The following GPHN variants were observed in gnomAD, a reference collection of about 807,000 sequenced individuals.
The protein encoded by GPHN is gephyrin.
A neutral mutation model predicts 95.5 loss-of-function variants in GPHN; 17 were observed. That is an observed-to-expected ratio of 0.18 (90% CI 0.12 to 0.27). The LOEUF is 0.27. Ranked by LOEUF, GPHN falls within the 10% of genes least tolerant of loss-of-function variation. The pLI is 1.00. For synonymous variants in GPHN, 320 were observed against 322.5 expected (o/e 0.99, Z 0.08); for missense variants, 660 against 978.1 (o/e 0.67, Z 4.34).
chr14:67,575,303 C>A, the GPHN span: 1 of 744,802 alleles, frequency 1.3e-6, no homozygotes, highest in East Asian at 2.7e-5. Flanking sequence ...TAGGTCAAAT[C>A]TGTCTCCCTG....
the GPHN span, among the ~76,000 whole-genome samples, chr14:67,336,034 A>G: frequency 6.6e-6 from 1 of 152,192 alleles, no homozygotes; most frequent in African/African-American, 2.4e-5. Context: ...ACCAACAACT[A>G]AGTGTATTAA....
chr14:66,670,694 A>G (rs1412084120), intron 1 of GPHN, among the ~76,000 whole-genome samples: 2 of 152,192 alleles, frequency 1.3e-5, no homozygotes, highest in African/African-American at 4.8e-5. Context: ...TGGGAAGCTG[A>G]GGGAGAAGGA....
At chr14:67,315,515 A>T in the GPHN span, among the ~76,000 whole-genome samples, 1 of 152,026 alleles carries the variant, frequency 6.6e-6, no homozygotes, top group Non-Finnish European at 1.5e-5. Flanking sequence ...TGACCTCGTG[A>T]TCTGCCCACC....
chr14:66,792,530 A>T (rs548345602), intron 3 of GPHN, among the ~76,000 whole-genome samples: 41 of 152,174 alleles, frequency 2.7e-4, no homozygotes, highest in Non-Finnish European at 4.3e-4. Context: ...TACTATTTTT[A>T]AAAAATGAAG....
the GPHN span, chr14:67,203,086 G>A: frequency 6.2e-7 from 1 of 1,609,902 alleles, no homozygotes; most frequent in African/African-American, 1.3e-5. Flanking sequence ...CCTGTTTTCT[G>A]CACTCAGGTC....
At chr14:66,806,434 T>A (rs1039268717) in intron 3 of GPHN, among the ~76,000 whole-genome samples, 2 of 152,218 alleles carry the variant, frequency 1.3e-5, no homozygotes, top group East Asian at 1.9e-4. Context: ...CAGCTTGAAT[T>A]TCTCCTCAGA....
chr14:67,587,066 C>A, the GPHN span: 134 of 1,586,382 alleles, frequency 8.4e-5, no homozygotes, highest in African/African-American at 1.7e-3. Flanking sequence ...TCTCTGACCT[C>A]CTCTTAGATT....
chr14:66,909,688 T>G (rs2065571459), intron 5 of GPHN, among the ~76,000 whole-genome samples: 1 of 152,004 alleles, frequency 6.6e-6, no homozygotes, highest in South Asian at 2.1e-4. Flanking sequence ...GCAAATATAG[T>G]TAATAATTAG....
chr14:67,653,956 T>C, the GPHN span, among the ~76,000 whole-genome samples: 1 of 152,194 alleles, frequency 6.6e-6, no homozygotes, highest in Non-Finnish European at 1.5e-5. Flanking sequence ...GACAGTTACA[T>C]TGAACTGTGA....
the GPHN span, among the ~76,000 whole-genome samples, chr14:67,660,989 T>TG: frequency 6.6e-6 from 1 of 152,156 alleles, no homozygotes; most frequent in African/African-American, 2.4e-5. Context: ...TGGCCTGGTC[T>TG]TTCTTAAAAC....
intron 11 of GPHN, among the ~76,000 whole-genome samples, chr14:67,064,522 T>C (rs1470333982): frequency 6.6e-6 from 1 of 152,194 alleles, no homozygotes; most frequent in African/African-American, 2.4e-5. Flanking sequence ...CAACTCCTCT[T>C]TGTACCTCTC....
At chr14:66,805,648 T>C (rs7148911) in intron 3 of GPHN, among the ~76,000 whole-genome samples, 38,365 of 152,130 alleles carry the variant, frequency 0.25, 9,757 homozygotes, top group African/African-American at 0.62. Context: ...ACAGGCTCCA[T>C]GCAAGTCTGA....
intron 9 of GPHN, 132 bp from the exon 10 acceptor site, chr14:67,023,501 C>A: frequency 3.1e-6 from 2 of 650,798 alleles, no homozygotes; most frequent in Non-Finnish European, 2.8e-6. Flanking sequence ...TTTTTACTAA[C>A]ATGTTATGAC....
the GPHN span, among the ~76,000 whole-genome samples, chr14:67,275,719 T>A: frequency 6.6e-6 from 1 of 152,230 alleles, no homozygotes; most frequent in African/African-American, 2.4e-5. Context: ...TTTGTACCTC[T>A]CGTAGAATTT....
the GPHN span, among the ~76,000 whole-genome samples, chr14:67,456,028 CA>C: frequency 6.6e-6 from 1 of 152,154 alleles, no homozygotes; most frequent in Non-Finnish European, 1.5e-5. Context: ...AGTAAACAGA[CA>C]ATCTACAGAA....
At chr14:67,508,929 A>C in the GPHN span, among the ~76,000 whole-genome samples, 1 of 152,004 alleles carries the variant, frequency 6.6e-6, no homozygotes, top group African/African-American at 2.4e-5. Flanking sequence ...GGGACCCCAG[A>C]GTCATAATCA....
At chr14:67,285,850 A>G in the GPHN span, among the ~76,000 whole-genome samples, 2 of 152,094 alleles carry the variant, frequency 1.3e-5, no homozygotes, top group Non-Finnish European at 2.9e-5. Flanking sequence ...AGGAGGGAGG[A>G]CAGAGTTTAC....
At chr14:67,022,541 CTTTTTTTTTTTT>C (rs1214143019) in intron 9 of GPHN, among the ~76,000 whole-genome samples, 2 of 18,900 alleles carry the variant, frequency 1.1e-4, no homozygotes, top group African/African-American at 4.5e-4. Context: ...ATTATTTTTC[CTTTTTTTTTTTT>C]TTTTTTTTTT....
At chr14:67,199,835 C>T in the GPHN span, 1 of 1,498,468 alleles carries the variant, frequency 6.7e-7, no homozygotes. Context: ...TGGGATACCC[C>T]CAGCCATGCC....
Sources: gnomAD v4.1 joint callset for allele counts (sites outside exome capture counted in the v4.1 genomes callset) on GRCh38, gnomAD v4.1.1 for gene constraint, MANE v1.5 for transcripts, NCBI Gene and HGNC (gene_info 2026-07-23, HGNC 2026-07-21) for gene names.